NRXN1: variants seen among roughly 807,000 people sequenced by gnomAD.
The protein encoded by NRXN1 is neurexin 1.
In NRXN1, 39 loss-of-function variants were observed where a neutral mutation model predicts 150.9. That is an observed-to-expected ratio of 0.26 (90% CI 0.20 to 0.34). NRXN1 has a LOEUF of 0.34. Among genes scored for constraint, NRXN1 ranks in the 10% least tolerant of loss-of-function variants. The pLI is 1.00. For missense variants in NRXN1, 1,815 were observed against 1,949.9 expected (o/e 0.93, Z 1.30); for synonymous variants, 924 against 757.0 (o/e 1.22, Z -3.62).
intron 5 of NRXN1, among the ~76,000 whole-genome samples, chr2:50,823,431 C>A (rs557314432): frequency 7.2e-5 from 11 of 151,998 alleles, no homozygotes; most frequent in Admixed American, 2.0e-4. Flanking sequence ...AAAATAAATG[C>A]TTTACAAATA....
intron 5 of NRXN1, among the ~76,000 whole-genome samples, chr2:50,851,356 A>T (rs1674494810): frequency 6.6e-6 from 1 of 152,180 alleles, no homozygotes; most frequent in African/African-American, 2.4e-5. Flanking sequence ...ACTCTCAAAG[A>T]CAATAATATT....
In NRXN1 at chr2:50,017,609, G is replaced by A. The variant is rs536097787; in HGVS notation, c.4128+35662C>T. On this transcript the variant is annotated intron_variant, in intron 21 of 22. Coordinates refer to ENST00000401669, the MANE Select transcript of NRXN1 (RefSeq NM_001330078.2). ...TGAATTCTGGCTTACTTAAAAAGAA[G>A]TTTTCAGTGGAGCTGTTTTTCTTGC... Among the ~76,000 whole-genome samples the A allele has an allele frequency of 1.6e-3, 235 of 149,832 alleles. 1 individual carries two copies. The highest frequency in any genetic ancestry group is 2.4e-3 in the Non-Finnish European group (164 of 67,580).
At chr2:50,499,516 A>G (rs983594046) in intron 13 of NRXN1, among the ~76,000 whole-genome samples, 1 of 152,128 alleles carries the variant, frequency 6.6e-6, no homozygotes, top group African/African-American at 2.4e-5. Flanking sequence ...CTTCTTGTTC[A>G]ATGACCTCAA....
intron 8 of NRXN1, among the ~76,000 whole-genome samples, chr2:50,568,975 G>A (rs183947624): frequency 3.0e-4 from 46 of 152,166 alleles, no homozygotes; most frequent in Admixed American, 1.7e-3. Flanking sequence ...AAAAGAATGG[G>A]ATTCTGTCAT....
intron 18 of NRXN1, among the ~76,000 whole-genome samples, chr2:50,181,930 T>C (rs2060747539): frequency 6.6e-6 from 1 of 151,922 alleles, no homozygotes; most frequent in South Asian, 2.1e-4. Flanking sequence ...ATAAAGATAG[T>C]TTTTAAAAAG....
intron 18 of NRXN1, among the ~76,000 whole-genome samples, chr2:50,116,987 A>G (rs1009517834): frequency 6.6e-6 from 1 of 152,072 alleles, no homozygotes; most frequent in African/African-American, 2.4e-5. Flanking sequence ...AACTTTTTTC[A>G]TGGTTTTCTT....
chr2:50,812,701 T>C (rs1017828153), intron 5 of NRXN1, among the ~76,000 whole-genome samples: 1 of 148,518 alleles, frequency 6.7e-6, no homozygotes, highest in African/African-American at 2.5e-5. Flanking sequence ...GGTTATTATA[T>C]TAATATACCA....
intron 17 of NRXN1, among the ~76,000 whole-genome samples, chr2:50,446,694 C>G (rs962629047): frequency 6.6e-6 from 1 of 151,712 alleles, no homozygotes; most frequent in African/African-American, 2.4e-5. Flanking sequence ...CTGAGTAATA[C>G]TTTTTGGCTG....
intron 22 of NRXN1, among the ~76,000 whole-genome samples, chr2:49,933,075 GT>G (rs1481614109): frequency 6.6e-6 from 1 of 151,728 alleles, no homozygotes; most frequent in Non-Finnish European, 1.5e-5. Context: ...TTCTTTTTTT[GT>G]TTGTTTATTT....
intron 11 of NRXN1, among the ~76,000 whole-genome samples, chr2:50,529,284 A>G (rs1308740875): frequency 2.6e-5 from 4 of 152,228 alleles, no homozygotes; most frequent in East Asian, 1.9e-4. Context: ...TAGAAACTCC[A>G]GTGGCTAAGG....
chr2:50,008,974 A>G (rs1379494127), intron 21 of NRXN1, among the ~76,000 whole-genome samples: 1 of 152,184 alleles, frequency 6.6e-6, no homozygotes, highest in Non-Finnish European at 1.5e-5. Flanking sequence ...GACATAAAAT[A>G]TCTCTTCAAG....
chr2:50,619,882 A>C, intron 8 of NRXN1, 140 bp downstream of exon 8: 1 of 691,222 alleles, frequency 1.4e-6, no homozygotes, highest in Non-Finnish European at 2.2e-6. Context: ...CCAATCCTAC[A>C]TAAACAATAG....
chr2:50,026,460 G>A (rs981482838), intron 21 of NRXN1, among the ~76,000 whole-genome samples: 1 of 152,092 alleles, frequency 6.6e-6, no homozygotes, highest in African/African-American at 2.4e-5. Context: ...ACATGGTTAT[G>A]TTTTATTACT....
Position 50,724,324 on chromosome 2 carries a change from T to C in NRXN1, c.833-100709A>G, listed in dbSNP as rs555148115. ...TCCTGGGAAACTTTTTCATATGCAA[T>C]GAAGCCTGTGATGAGAAGGAACCTT... On this transcript the variant is annotated intron_variant, in intron 5 of 22. Coordinates refer to ENST00000401669, the MANE Select transcript of NRXN1 (RefSeq NM_001330078.2). Among the ~76,000 whole-genome samples, 5 of 152,328 alleles carry C rather than the reference T, an allele frequency of 3.3e-5. No homozygotes were observed. In the South Asian group the frequency reaches 6.2e-4, roughly 19 times the overall value.
chr2:50,548,825 C>A (rs190765144), intron 9 of NRXN1, among the ~76,000 whole-genome samples: 4 of 152,214 alleles, frequency 2.6e-5, no homozygotes, highest in African/African-American at 7.2e-5. Flanking sequence ...AAATTAATGA[C>A]CATAATGGTC....
intron 18 of NRXN1, among the ~76,000 whole-genome samples, chr2:50,186,657 T>C (rs1314475139): frequency 1.3e-5 from 2 of 152,070 alleles, no homozygotes; most frequent in Non-Finnish European, 2.9e-5. Flanking sequence ...AAAAATTTCC[T>C]TTGCTGTGCA....
At chr2:50,833,152 T>C (rs1038030604) in intron 5 of NRXN1, among the ~76,000 whole-genome samples, 2 of 152,114 alleles carry the variant, frequency 1.3e-5, no homozygotes, top group Non-Finnish European at 2.9e-5. Flanking sequence ...TATATTACAA[T>C]GAATAAAATG....
chr2:50,433,950 C>T (rs1403070648), intron 17 of NRXN1, among the ~76,000 whole-genome samples: 1 of 151,894 alleles, frequency 6.6e-6, no homozygotes, highest in African/African-American at 2.4e-5. Context: ...CTCTTTCACT[C>T]CCCTGACAAT....
At chr2:50,481,505 T>A (rs1461831635) in intron 15 of NRXN1, among the ~76,000 whole-genome samples, 1 of 152,166 alleles carries the variant, frequency 6.6e-6, no homozygotes, top group Non-Finnish European at 1.5e-5. Context: ...TTACCAAAAG[T>A]CAACATTTGA....
Sources: gnomAD v4.1 joint callset for allele counts (sites outside exome capture counted in the v4.1 genomes callset) on GRCh38, gnomAD v4.1.1 for gene constraint, MANE v1.5 for transcripts, NCBI Gene and HGNC (gene_info 2026-07-23, HGNC 2026-07-21) for gene names.